Variants in ZNF101 observed in about 807,000 individuals in gnomAD.
ZNF101 encodes zinc finger protein 101 (Y2).
Under a neutral mutation model 42.6 loss-of-function variants are expected in ZNF101, and 34 were observed. The observed-to-expected ratio is 0.80, with a 90% confidence interval of 0.61 to 1.06. ZNF101 has a LOEUF of 1.06. Ranked by LOEUF, ZNF101 falls within the 50% of genes least tolerant of loss-of-function variation. ZNF101 has a pLI of 0.00. For missense variants in ZNF101, 466 were observed against 530.9 expected (o/e 0.88, Z 1.20); for synonymous variants, 158 against 183.9 (o/e 0.86, Z 1.14).
chr19:19,669,175 C>G (rs893608702), intron 1 of ZNF101, among the ~76,000 whole-genome samples: 1 of 152,242 alleles, frequency 6.6e-6, no homozygotes, highest in Non-Finnish European at 1.5e-5. Flanking sequence ...GGAGCCCTCT[C>G]AGGGCAGCTC....
At chr19:19,677,673 C>T in intron 1 of ZNF101, 191 bp from the exon 2 acceptor site, 1 of 871,076 alleles carries the variant, frequency 1.1e-6, no homozygotes, top group African/African-American at 1.7e-5. Context: ...GTGGCTGGCT[C>T]TCTGAGTAGG....
upstream of ZNF101, chr19:19,668,806 G>A (rs1020237694): frequency 2.2e-5 from 20 of 927,256 alleles, no homozygotes; most frequent in African/African-American, 3.4e-4. Flanking sequence ...AACTTCCAAA[G>A]CCCGAAGCGG....
At chr19:19,676,586 G>A (rs1402669818) in intron 1 of ZNF101, 1 of 151,656 alleles carries the variant, frequency 6.6e-6, no homozygotes, top group African/African-American at 2.4e-5. Context: ...ACCAGGTGGT[G>A]GGAGGTTTGG....
chr19:19,670,331 C>T (rs553302594), intron 1 of ZNF101, among the ~76,000 whole-genome samples: 2 of 152,310 alleles, frequency 1.3e-5, no homozygotes, highest in African/African-American at 2.4e-5. Context: ...ACGGCCTCAA[C>T]CTCTGGGGCC....
chr19:19,674,017 C>T (rs2062187657), intron 1 of ZNF101, among the ~76,000 whole-genome samples: 1 of 151,994 alleles, frequency 6.6e-6, no homozygotes, highest in Non-Finnish European at 1.5e-5. Flanking sequence ...TGGTCTTGAA[C>T]TCCTAACCTT....
intron 1 of ZNF101, among the ~76,000 whole-genome samples, chr19:19,672,948 CTTTTT>C (rs574507406): frequency 2.0e-5 from 3 of 149,476 alleles, no homozygotes; most frequent in African/African-American, 7.4e-5. Flanking sequence ...AATGTAAAGT[CTTTTT>C]TTTTTCTTTG....
At chr19:19,671,238 G>A (rs899188380) in intron 1 of ZNF101, among the ~76,000 whole-genome samples, 1 of 152,214 alleles carries the variant, frequency 6.6e-6, no homozygotes, top group Non-Finnish European at 1.5e-5. Context: ...GTTCTGTTTT[G>A]TGTTATCTGG....
rs1439764143 is a variant in ZNF101, at chr19:19,681,908, A to G, written c.*1608A>G. The G allele has an allele frequency of 2.0e-5, 3 of 149,600 alleles. No homozygotes were observed. Among genetic ancestry groups the G allele is most frequent in the Admixed American group, 6.7e-5 (1 of 14,842 alleles). 9.3% of individuals were successfully genotyped at this position (149,600 alleles called of 1,614,324 possible). On this transcript the variant is annotated 3_prime_UTR_variant, in exon 4 of 4. Transcript: ENST00000592502. ...AATATATAGCATTTATCAGTGGCTC[A>G]TTCTTTTTTCTTTCTTTTTTTTTTT...
intron 1 of ZNF101, among the ~76,000 whole-genome samples, chr19:19,671,859 C>T (rs1337778571): frequency 6.6e-6 from 1 of 151,964 alleles, no homozygotes; most frequent in Non-Finnish European, 1.5e-5. Flanking sequence ...CATTTTCAGA[C>T]TTCAAGAAAA....
Position 19,679,563 on chromosome 19 carries a change from A to C in ZNF101, c.574A>C (p.Thr192Pro). Residue 192 changes from threonine (T) to proline (P), a missense_variant, in exon 4 of 4, where the codon ACT (threonine) becomes CCT (proline). Physicochemically the swap from Thr to Pro is conservative, Grantham distance 38 (BLOSUM62 -1). Coordinates refer to ENST00000592502, the MANE Select transcript of ZNF101 (RefSeq NM_033204.4). ...NLFQIHQRTHTGKRSYKCREI... is the reference protein window; with the variant it reads ...NLFQIHQRTHPGKRSYKCREI... ...ATTTCAAATCCATCAAAGAACTCAC[A>C]CTGGAAAGAGGTCCTATAAATGTAG... 1 of 1,614,150 alleles carries C rather than the reference A, an allele frequency of 6.2e-7. No homozygotes were observed. Among genetic ancestry groups the C allele is most frequent in the Non-Finnish European group, 8.5e-7 (1 of 1,180,030 alleles).
At chr19:19,674,913 C>T (rs776547391) in intron 1 of ZNF101, among the ~76,000 whole-genome samples, 5 of 151,828 alleles carry the variant, frequency 3.3e-5, no homozygotes, top group Non-Finnish European at 7.4e-5. Context: ...CTCTGCCTCC[C>T]AGGTTCATGC....
intron 1 of ZNF101, among the ~76,000 whole-genome samples, chr19:19,669,598 A>C (rs1449321781): frequency 6.6e-6 from 1 of 151,958 alleles, no homozygotes; most frequent in African/African-American, 2.4e-5. Context: ...GGTTCAAGTG[A>C]TTCTCCTGCC....
intron 1 of ZNF101, 119 bp from the exon 2 acceptor site, chr19:19,677,745 G>T: frequency 1.4e-6 from 2 of 1,414,602 alleles, no homozygotes; most frequent in Admixed American, 2.3e-5. Context: ...GGAGGCCGAT[G>T]ACTCAATCAT....
At chr19:19,676,323 G>A (rs892252637) in intron 1 of ZNF101, 1 of 151,932 alleles carries the variant, frequency 6.6e-6, no homozygotes, top group Non-Finnish European at 1.5e-5. Flanking sequence ...TCACTATGTA[G>A]GCCAGGCTGG....
At chr19:19,669,323 T>TCC (rs975543072) in intron 1 of ZNF101, among the ~76,000 whole-genome samples, 7 of 152,042 alleles carry the variant, frequency 4.6e-5, no homozygotes, top group African/African-American at 1.7e-4. Flanking sequence ...CCTTAGGCGG[T>TCC]CCCCGTTTCC....
At chr19:19,676,244 GGA>G (rs940021949) in intron 1 of ZNF101, 9 of 151,962 alleles carry the variant, frequency 5.9e-5, no homozygotes, top group African/African-American at 1.9e-4. Flanking sequence ...TTTTTGAGGT[GGA>G]GTCTTGCTCT....
Position 19,681,922 on chromosome 19 carries a change from C to CTTTTTTTTTTT in ZNF101, c.*1630_*1640dup, listed in dbSNP as rs754374535. The CTTTTTTTTTTT allele has an allele frequency of 4.0e-5, 5 of 124,888 alleles. No homozygotes were observed. The highest frequency in any genetic ancestry group is 8.8e-5 in the Admixed American group (1 of 11,424). 7.7% of individuals were successfully genotyped at this position (124,888 alleles called of 1,614,324 possible). On this transcript the variant is annotated 3_prime_UTR_variant, in exon 4 of 4. Coordinates refer to ENST00000592502, the MANE Select transcript of ZNF101 (RefSeq NM_033204.4). ...ATCAGTGGCTCATTCTTTTTTCTTT[C>CTTTTTTTTTTT]TTTTTTTTTTTTTTTTTTGAGATGG...
chr19:19,670,681 C>T (rs74340332), intron 1 of ZNF101, among the ~76,000 whole-genome samples: 5,032 of 152,060 alleles, frequency 0.033, 275 homozygotes, highest in African/African-American at 0.12. Flanking sequence ...CACCTGAACC[C>T]GGGGAGGTTG....
chr19:19,677,087 T>C (rs1023394914), intron 1 of ZNF101: 2 of 152,250 alleles, frequency 1.3e-5, no homozygotes, highest in Non-Finnish European at 2.9e-5. Context: ...ATTAGGACAA[T>C]TAAATATTGA....
Sources: gnomAD v4.1 joint callset for allele counts (sites outside exome capture counted in the v4.1 genomes callset) on GRCh38, gnomAD v4.1.1 for gene constraint, MANE v1.5 for transcripts, NCBI Gene and HGNC (gene_info 2026-07-23, HGNC 2026-07-21) for gene names.